The following CARF variants were observed in gnomAD, a reference collection of about 807,000 sequenced individuals.
The protein encoded by CARF is calcium-responsive transcription factor.
In CARF, 57 loss-of-function variants were observed where a neutral mutation model predicts 82.0. The ratio of observed to expected loss-of-function variants is 0.70; its 90% CI spans 0.56 to 0.87. The LOEUF is 0.87. CARF is among the 40% of genes least tolerant of loss of function. The pLI, the probability that CARF is intolerant of heterozygous loss-of-function variation, is 0.00. For synonymous variants in CARF, 268 were observed against 290.1 expected (o/e 0.92, Z 0.77); for missense variants, 771 against 855.8 (o/e 0.90, Z 1.24).
At chr2:202,950,867 G>A (rs1040879938) in intron 5 of CARF, among the ~76,000 whole-genome samples, 1 of 152,146 alleles carries the variant, frequency 6.6e-6, no homozygotes, top group Non-Finnish European at 1.5e-5. Flanking sequence ...GTTATGGCAG[G>A]ACATTTTTAT....
Position 202,974,363 on chromosome 2 carries a change from C to T in CARF, c.1361C>T (p.Pro454Leu). The change falls in exon 13 of 17, where the codon CCC becomes CTC. Residue 454 changes from proline to leucine, a missense_variant. Pro to Leu is a moderately conservative substitution (Grantham distance 98, BLOSUM62 -3). Coordinates refer to ENST00000438828, the MANE Select transcript of CARF (RefSeq NM_024744.17). The part of the protein sequence containing the change: ...RKFVERELFK[P>L]DEVPERHNLS... ...TTTGTGGAAAGGGAACTGTTCAAAC[C>T]CGATGAGGTACCTGAAAGACATAAT... 1 of 1,605,638 alleles carries T rather than the reference C, an allele frequency of 6.2e-7. No individual in the cohort carries two copies.
chr2:202,933,266 C>T (rs1184425694), intron 3 of CARF, among the ~76,000 whole-genome samples: 1 of 152,100 alleles, frequency 6.6e-6, no homozygotes. Flanking sequence ...TTGGCTTAGC[C>T]TCAGGGATAA....
intron 6 of CARF, among the ~76,000 whole-genome samples, chr2:202,953,767 C>G (rs1480942435): frequency 6.6e-6 from 1 of 151,868 alleles, no homozygotes; most frequent in Non-Finnish European, 1.5e-5. Flanking sequence ...ATTATTTCTA[C>G]CACTTTTATA....
intron 5 of CARF, among the ~76,000 whole-genome samples, chr2:202,947,622 T>C (rs993648075): frequency 6.6e-6 from 1 of 152,166 alleles, no homozygotes; most frequent in Non-Finnish European, 1.5e-5. Context: ...TCAGCATATG[T>C]GTCCCAGAAC....
intron 1 of CARF, among the ~76,000 whole-genome samples, chr2:202,913,805 A>C (rs1213355046): frequency 1.3e-5 from 2 of 152,226 alleles, no homozygotes; most frequent in African/African-American, 4.8e-5. Context: ...ATTAATTTGA[A>C]ATTTATCAAA....
intron 2 of CARF, among the ~76,000 whole-genome samples, chr2:202,923,220 CAAA>C: frequency 6.6e-6 from 1 of 152,182 alleles, no homozygotes; most frequent in African/African-American, 2.4e-5. Flanking sequence ...CCAGCCTGGG[CAAA>C]AGAGTGAAAC....
chr2:202,971,779 T>C (rs778156007), intron 12 of CARF, 41 bp downstream of exon 12: 1 of 1,492,614 alleles, frequency 6.7e-7, no homozygotes, highest in East Asian at 2.3e-5. Flanking sequence ...TTTTCAGTTT[T>C]GTTTGTTGCT....
chr2:202,942,836 A>T lies in CARF; in HGVS notation c.175A>T (p.Ile59Leu). 1.2e-6 allele frequency: 2 copies of T among 1,614,112 alleles called. No individual in the cohort carries two copies. The highest frequency in any genetic ancestry group is 1.7e-6 in the Non-Finnish European group (2 of 1,179,992). The stretch of plus-strand genomic sequence containing the variant: ...TACTCGTGAAGCAAATAATTCACTC[A>T]TATCACAGAATATACCAGGGCCCCT... ...ITTREANNSL[I>L]SQNIPGPLTQ... The change falls in exon 5 of 17, where the codon ATA becomes TTA. Residue 59 changes from isoleucine (I) to leucine (L), a missense_variant. Ile to Leu is a conservative substitution (Grantham distance 5). Transcript: ENST00000438828.
Position 202,977,462 on chromosome 2 carries a change from A to G in CARF, c.1558+130A>G, listed in dbSNP as rs1007346213. On this transcript the variant is annotated intron_variant, in intron 14 of 16. Transcript: ENST00000438828. ...AGGATCCAAAGACGTAGGAGCAGCT[A>G]TGTTATGGTTTATCAACATACTTCC... 4 of 667,226 alleles carry G rather than the reference A, an allele frequency of 6.0e-6. 1 individual carries two copies. In the Admixed American group the frequency reaches 8.1e-5, roughly 13 times the overall value. 41.3% of individuals were successfully genotyped at this position (667,226 alleles called of 1,614,324 possible). A position where few individuals can be genotyped will look rare whatever the true frequency, so the allele number is the denominator to read the frequency against.
chr2:202,969,204 G>A (rs191995699), intron 10 of CARF, among the ~76,000 whole-genome samples: 4 of 152,272 alleles, frequency 2.6e-5, no homozygotes, highest in African/African-American at 9.6e-5. Flanking sequence ...TGAGGCAGGA[G>A]AATCACCTGT....
At chr2:202,917,209 T>TAAAAAAAA (rs1559177196) in intron 1 of CARF, among the ~76,000 whole-genome samples, 1 of 2,188 alleles carries the variant, frequency 4.6e-4, no homozygotes, top group African/African-American at 9.5e-4. Flanking sequence ...AGACTCCGTC[T>TAAAAAAAA]CAAAAAAAAA....
intron 5 of CARF, among the ~76,000 whole-genome samples, chr2:202,947,901 T>C (rs952738616): frequency 6.6e-6 from 1 of 152,242 alleles, no homozygotes; most frequent in African/African-American, 2.4e-5. Context: ...TGATTGCTTT[T>C]AGTGTCTTTG....
chr2:202,919,179 G>T (rs1362113302), intron 2 of CARF, among the ~76,000 whole-genome samples: 1 of 152,070 alleles, frequency 6.6e-6, no homozygotes, highest in Non-Finnish European at 1.5e-5. Flanking sequence ...CTCCCTCAGG[G>T]TAGCTCTTTT....
intron 3 of CARF, 48 bp from the exon 4 acceptor site, chr2:202,941,812 A>T: frequency 1.0e-6 from 1 of 969,392 alleles, no homozygotes; most frequent in African/African-American, 1.6e-5. Context: ...AAAACAGTCC[A>T]CAAAAATACT....
In CARF at chr2:202,961,430, CT is replaced by C; in HGVS notation, c.832+10del. Reference sequence around the variant, plus strand: ...GGAATCCCATTTGTTAATGCAGGTACTTTTTTAAAGAATTATTTTAAAAGGT... The same window carrying C: ...GGAATCCCATTTGTTAATGCAGGTACTTTTTAAAGAATTATTTTAAAAGGT... On this transcript the variant is annotated splice_donor_5th_base_variant and intron_variant, in intron 9 of 16. Transcript: ENST00000438828. The C allele has an allele frequency of 1.9e-6, 3 of 1,612,350 alleles. No homozygotes were observed. Among genetic ancestry groups the C allele is most frequent in the Non-Finnish European group, 2.5e-6 (3 of 1,178,514 alleles).
At chr2:202,918,249 G>C (rs1443570197) in intron 2 of CARF, among the ~76,000 whole-genome samples, 1 of 152,074 alleles carries the variant, frequency 6.6e-6, no homozygotes. Context: ...GGCCAGGCGC[G>C]GTGGCTCATG....
intron 11 of CARF, among the ~76,000 whole-genome samples, chr2:202,970,485 G>T (rs537281037): frequency 1.3e-5 from 2 of 152,152 alleles, no homozygotes; most frequent in African/African-American, 4.8e-5. Context: ...ATTCCAAGCC[G>T]TAAATAAAAT....
In CARF at chr2:202,952,575, C is replaced by T. The variant is rs748564205; in HGVS notation, c.323C>T (p.Pro108Leu). 12 of 1,612,972 alleles carry T rather than the reference C, an allele frequency of 7.4e-6. No individual in the cohort carries two copies. In the Admixed American group the frequency reaches 1.0e-4, roughly 13 times the overall value. The change falls in exon 6 of 17, where the codon CCA becomes CTA. Residue 108 changes from proline to leucine, a missense_variant. Physicochemically the swap from Pro to Leu is moderately conservative, Grantham distance 98. Coordinates refer to ENST00000438828, the MANE Select transcript of CARF (RefSeq NM_024744.17). ...GCTTCCAAGATGATCGTTGCCAGCC[C>T]AACAGAAAATGGACAGGTACTTCGT... ...SNAQMMIVAS[P>L]TENGQVLRVI...
At chr2:202,914,826 T>C (rs553171639) in intron 1 of CARF, among the ~76,000 whole-genome samples, 71 of 151,508 alleles carry the variant, frequency 4.7e-4, no homozygotes, top group African/African-American at 1.6e-3. Context: ...GTAAAAAGTT[T>C]GTGCAGAGTA....
Sources: gnomAD v4.1 joint callset for allele counts (sites outside exome capture counted in the v4.1 genomes callset) on GRCh38, gnomAD v4.1.1 for gene constraint, MANE v1.5 for transcripts, NCBI Gene and HGNC (gene_info 2026-07-23, HGNC 2026-07-21) for gene names.